The following ELAVL4 variants were observed in gnomAD, a reference collection of about 807,000 sequenced individuals.
ELAVL4 encodes the protein ELAV like RNA binding protein 4, also known as ELAV-like protein 4.
ELAVL4 carries 1 observed loss-of-function variant against 35.6 expected under a neutral mutation model. That is an observed-to-expected ratio of 0.03 (90% confidence interval 0.01 to 0.13). The LOEUF is 0.13. Among genes scored for constraint, ELAVL4 ranks in the 10% least tolerant of loss-of-function variants. The probability of loss-of-function intolerance (pLI) is 1.00; values close to 1 mark genes in which losing one functional copy is unlikely to be tolerated. For synonymous variants in ELAVL4, 156 were observed against 171.0 expected (o/e 0.91, Z 0.69); for missense variants, 267 against 464.9 (o/e 0.57, Z 3.91).
chr1:50,069,450 T>C (rs929099749), intron 1 of ELAVL4, among the ~76,000 whole-genome samples: 1 of 152,206 alleles, frequency 6.6e-6, no homozygotes, highest in Non-Finnish European at 1.5e-5. Flanking sequence ...TGTCCAACAC[T>C]AGACATGGGT....
At chr1:50,136,524 G>T (rs781413237) in intron 1 of ELAVL4, among the ~76,000 whole-genome samples, 2 of 152,022 alleles carry the variant, frequency 1.3e-5, no homozygotes, top group South Asian at 2.1e-4. Context: ...TTACATAAGG[G>T]TTAGCTTTAT....
chr1:50,154,894 G>A (rs529530015), intron 2 of ELAVL4, among the ~76,000 whole-genome samples: 1 of 152,024 alleles, frequency 6.6e-6, no homozygotes, highest in South Asian at 2.1e-4. Flanking sequence ...AATTGAAATA[G>A]CCATCAATTT....
chr1:50,086,756 C>T (rs559455244), intron 1 of ELAVL4, among the ~76,000 whole-genome samples: 13 of 152,168 alleles, frequency 8.5e-5, no homozygotes, highest in African/African-American at 2.2e-4. Flanking sequence ...CTCCACACCC[C>T]GCACCCTCCA....
At chr1:50,131,387 A>G (rs1670825680) in intron 1 of ELAVL4, among the ~76,000 whole-genome samples, 1 of 152,200 alleles carries the variant, frequency 6.6e-6, no homozygotes. Context: ...TTGAAAAGGC[A>G]AAAGATTGTG....
intron 1 of ELAVL4, among the ~76,000 whole-genome samples, chr1:50,117,432 TA>T (rs923016112): frequency 9.2e-5 from 14 of 152,130 alleles, no homozygotes; most frequent in Admixed American, 2.6e-4. Flanking sequence ...GGCAAGCCTC[TA>T]AAAAGATTGT....
chr1:50,051,703 T>A (rs974528818), intron 1 of ELAVL4, among the ~76,000 whole-genome samples: 2 of 152,190 alleles, frequency 1.3e-5, no homozygotes, highest in Non-Finnish European at 2.9e-5. Flanking sequence ...AACTTGTGAT[T>A]TTTTTATTGG....
chr1:50,071,087 G>A (rs1664496159), intron 1 of ELAVL4, among the ~76,000 whole-genome samples: 1 of 151,994 alleles, frequency 6.6e-6, no homozygotes, highest in Admixed American at 6.6e-5. Context: ...CCTTCACTTG[G>A]CTCAGGCTTC....
At chr1:50,125,987 A>G (rs1039769588) in intron 1 of ELAVL4, among the ~76,000 whole-genome samples, 4 of 152,100 alleles carry the variant, frequency 2.6e-5, no homozygotes, top group Non-Finnish European at 5.9e-5. Flanking sequence ...TGTTTAGAAG[A>G]TGAACTAATT....
rs1312093862 is a variant in ELAVL4, at chr1:50,201,232, C to T, written c.*54C>T. The T allele has an allele frequency of 2.0e-5, 29 of 1,468,654 alleles. No homozygotes were observed. The highest frequency in any genetic ancestry group is 2.6e-5 in the Non-Finnish European group (29 of 1,109,648). 91.0% of individuals were successfully genotyped at this position (1,468,654 alleles called of 1,614,324 possible). A position where few individuals can be genotyped will look rare whatever the true frequency, so the allele number is the denominator to read the frequency against. ...TATAGAAATATATACGAACAAAACACACGCGCGCACACACACACATACACG... is the reference window on the plus strand; with the variant it reads ...TATAGAAATATATACGAACAAAACATACGCGCGCACACACACACATACACG... On this transcript the variant is annotated 3_prime_UTR_variant, in exon 7 of 7. Transcript: ENST00000371824. The surrounding 1 kb of genome is among the most constrained non-coding windows in gnomAD (Gnocchi z 4.3).
chr1:50,110,720 C>T (rs567829978), intron 1 of ELAVL4, among the ~76,000 whole-genome samples: 1 of 152,096 alleles, frequency 6.6e-6, no homozygotes, highest in South Asian at 2.1e-4. Flanking sequence ...CTAGAAAAGC[C>T]TGGGGAGGAC....
chr1:50,109,263 T>G, intron 1 of ELAVL4, 65 bp downstream of exon 1: 3 of 1,530,768 alleles, frequency 2.0e-6, no homozygotes, highest in Non-Finnish European at 2.7e-6. Flanking sequence ...CATCTACACC[T>G]TGACCAGTCT....
intron 3 of ELAVL4, chr1:50,180,200 G>A (rs1371738517): frequency 6.9e-6 from 1 of 145,712 alleles, no homozygotes; most frequent in Non-Finnish European, 1.5e-5. Flanking sequence ...GGTAGTGAAT[G>A]GCTCATTACA....
chr1:50,156,075 G>A (rs1344661626), intron 2 of ELAVL4, among the ~76,000 whole-genome samples: 2 of 151,414 alleles, frequency 1.3e-5, no homozygotes, highest in African/African-American at 4.9e-5. Context: ...TTTCTGGCAG[G>A]CATGTGCGCA....
intron 1 of ELAVL4, among the ~76,000 whole-genome samples, chr1:50,084,638 G>A (rs999055255): frequency 6.6e-6 from 1 of 151,862 alleles, no homozygotes; most frequent in Non-Finnish European, 1.5e-5. Flanking sequence ...TTTTCTGTTC[G>A]TGGAACAAGT....
chr1:50,119,036 A>AAAAGAAAAAG (rs1668506094), intron 1 of ELAVL4, among the ~76,000 whole-genome samples: 1 of 127,172 alleles, frequency 7.9e-6, no homozygotes, highest in South Asian at 2.9e-4. Context: ...GAAAGAAAGA[A>AAAAGAAAAAG]AAAGAAAGAA....
intron 1 of ELAVL4, among the ~76,000 whole-genome samples, chr1:50,119,643 G>T (rs1403641384): frequency 2.0e-5 from 3 of 151,936 alleles, no homozygotes; most frequent in Non-Finnish European, 4.4e-5. Flanking sequence ...GAATTTTGGA[G>T]GCATGGGCTT....
chr1:50,170,681 C>A (rs986466135), intron 2 of ELAVL4, among the ~76,000 whole-genome samples: 4 of 152,156 alleles, frequency 2.6e-5, no homozygotes, highest in African/African-American at 9.7e-5. Context: ...CTGCATTTCT[C>A]ACAAGTCCCT....
chr1:50,120,608 A>G (rs553871272), intron 1 of ELAVL4, among the ~76,000 whole-genome samples: 8 of 152,132 alleles, frequency 5.3e-5, no homozygotes, highest in South Asian at 4.1e-4. Flanking sequence ...ATTTCTCAGA[A>G]GTTGAAGTCA....
intron 1 of ELAVL4, among the ~76,000 whole-genome samples, chr1:50,055,838 C>G (rs1663632739): frequency 6.6e-6 from 1 of 152,052 alleles, no homozygotes; most frequent in Non-Finnish European, 1.5e-5. Flanking sequence ...GTTAAAATTT[C>G]AGAGAGGTAG....
Sources: allele counts gnomAD v4.1 joint callset (sites outside exome capture counted in the v4.1 genomes callset), GRCh38; gene constraint gnomAD v4.1.1; non-coding constraint Gnocchi (gnomAD v3.1); transcripts MANE v1.5; gene names NCBI Gene and HGNC (gene_info 2026-07-23, HGNC 2026-07-21).